Variants in LPIN1 observed in about 807,000 individuals in gnomAD.
LPIN1 encodes the protein lipin 1, also known as phosphatidate phosphatase LPIN1.
LPIN1 carries 71 observed loss-of-function variants against 107.5 expected under a neutral mutation model. The observed-to-expected ratio is 0.66, with a 90% CI of 0.55 to 0.80. The LOEUF is 0.80. Ranked by LOEUF, LPIN1 falls within the 30% of genes least tolerant of loss-of-function variation. The pLI is 0.00. For synonymous variants in LPIN1, 445 were observed against 452.6 expected (o/e 0.98, Z 0.21); for missense variants, 1,043 against 1,160.6 (o/e 0.90, Z 1.47).
intron 1 of LPIN1, among the ~76,000 whole-genome samples, chr2:11,760,989 GGC>G (rs1669733977): frequency 6.6e-6 from 1 of 152,134 alleles, no homozygotes; most frequent in African/African-American, 2.4e-5. Flanking sequence ...GGTGAAATGG[GGC>G]GTGTCAATCC....
upstream of LPIN1, among the ~76,000 whole-genome samples, chr2:11,743,158 T>G (rs543332403): frequency 2.4e-4 from 36 of 152,234 alleles, no homozygotes; most frequent in Non-Finnish European, 4.9e-4. The surrounding 1 kb of genome is among the most constrained non-coding windows in gnomAD (Gnocchi z 4.7). Context: ...CTCCCCTTTG[T>G]AGCCCCCAGT....
chr2:11,795,358 A>G (rs1676478702), intron 13 of LPIN1, 50 bp from the exon 14 acceptor site: 2 of 1,486,530 alleles, frequency 1.3e-6, no homozygotes, highest in Non-Finnish European at 1.9e-6. Flanking sequence ...GCTGTCTGCA[A>G]GCCCCTTCTC....
chr2:11,782,422 C>T lies in LPIN1; in HGVS notation c.1179C>T (p.Leu393=), dbSNP rs772683635. 3 of 1,614,226 alleles carry T rather than the reference C, an allele frequency of 1.9e-6. No homozygotes were observed. The highest frequency in any genetic ancestry group is 2.5e-6 in the Non-Finnish European group (3 of 1,180,040). ...DLETLGAAAP[L]LPMIEELKPP... ...AGACCTTAGGAGCAGCAGCGCCACTCTTGCCCATGATCGAGGAGCTCAAAC... is the reference window on the plus strand; with the variant it reads ...AGACCTTAGGAGCAGCAGCGCCACTTTTGCCCATGATCGAGGAGCTCAAAC... Residue 393 remains leucine (L), a synonymous_variant, in exon 8 of 21, where the codon CTC becomes CTT. Transcript: ENST00000674199.
intron 3 of LPIN1, among the ~76,000 whole-genome samples, chr2:11,768,959 A>G (rs928434288): frequency 6.6e-6 from 1 of 152,100 alleles, no homozygotes; most frequent in Admixed American, 6.5e-5. Context: ...AAAGAAACCA[A>G]AAAAACCCAA....
chr2:11,700,428 T>C (rs1173644725), intron 1 of LPIN1, among the ~76,000 whole-genome samples: 1 of 152,194 alleles, frequency 6.6e-6, no homozygotes, highest in East Asian at 1.9e-4. Flanking sequence ...TCCTGACCTC[T>C]GGTCCATTGC....
Position 11,804,512 on chromosome 2 carries a change from C to T in LPIN1, c.2103C>T (p.Ile701=), listed in dbSNP as rs768418673. The T allele has an allele frequency of 1.9e-6, 3 of 1,614,198 alleles. No homozygotes were observed. The South Asian group carries it at 3.3e-5, about 18-fold the overall frequency. ...GCACGTGCCGCTGTGAGGGCACCAT[C>T]TATCTGTGGAACTGGGATGATAAAG... ...YQGTCRCEGT[I]YLWNWDDKVI... is the part of the protein sequence containing the mutation. Residue 701 remains isoleucine, a synonymous_variant, in exon 16 of 21, where the codon ATC becomes ATT. Transcript: ENST00000674199.
Position 11,765,712 on chromosome 2 carries a change from C to A in LPIN1, c.171C>A (p.Val57=). 1 of 1,611,406 alleles carries A rather than the reference C, an allele frequency of 6.2e-7. No homozygotes were observed. Among genetic ancestry groups the A allele is most frequent in the Non-Finnish European group, 8.5e-7 (1 of 1,177,814 alleles). Residue 57 remains valine, a synonymous_variant, in exon 2 of 21, where the codon GTC becomes GTA. Coordinates refer to ENST00000674199, the MANE Select transcript of LPIN1 (RefSeq NM_001349206.2). This position sits in a 1 kb window ranked among gnomAD's most constrained non-coding sequence, Gnocchi z 4.4. ...PFHVRFGKMG[V]LRSREKVVDI... is the part of the protein sequence containing the mutation. ...ACGTCCGCTTTGGGAAGATGGGGGT[C>A]CTGCGCTCCCGAGAGAAAGTGGTGA... is the stretch of plus-strand genomic sequence containing the variant.
Position 11,776,200 on chromosome 2 carries a change from G to A in LPIN1, c.830+7G>A, listed in dbSNP as rs147648849. On this transcript the variant is annotated splice_region_variant and intron_variant, in intron 6 of 20. Coordinates refer to ENST00000674199, the MANE Select transcript of LPIN1 (RefSeq NM_001349206.2). ...TGTTCCATCCTTCGGAAAGGTAGAGGAGTTATTTTCCCCATTGGGATATAT... is the reference window on the plus strand; with the variant it reads ...TGTTCCATCCTTCGGAAAGGTAGAGAAGTTATTTTCCCCATTGGGATATAT... The A allele has an allele frequency of 2.4e-4, 362 of 1,512,128 alleles. 3 individuals carry two copies. The East Asian group carries it at 8.2e-3, about 34-fold the overall frequency. The allele number at this position is 1,512,128 out of a possible 1,614,324, so 93.7% of individuals were successfully genotyped here. A position where few individuals can be genotyped will look rare whatever the true frequency, so the allele number is the denominator to read the frequency against.
intron 10 of LPIN1, among the ~76,000 whole-genome samples, chr2:11,785,814 C>T (rs1242494964): frequency 1.3e-5 from 2 of 152,204 alleles, no homozygotes; most frequent in African/African-American, 4.8e-5. Flanking sequence ...CTGGTCCCTT[C>T]AAGGCTTTGG....
intron 1 of LPIN1, among the ~76,000 whole-genome samples, chr2:11,752,580 C>G (rs891557173): frequency 6.7e-6 from 1 of 149,738 alleles, no homozygotes; most frequent in Non-Finnish European, 1.5e-5. Context: ...TACAGGCGCC[C>G]GCCACTACGC....
chr2:11,807,312 A>G (rs1678875997), intron 17 of LPIN1, among the ~76,000 whole-genome samples: 2 of 152,192 alleles, frequency 1.3e-5, no homozygotes, highest in Non-Finnish European at 1.5e-5. Context: ...CCACGGGCTG[A>G]CCTTTCATTT....
At chr2:11,799,444 T>C (rs1338375623) in intron 14 of LPIN1, among the ~76,000 whole-genome samples, 1 of 151,416 alleles carries the variant, frequency 6.6e-6, no homozygotes, top group African/African-American at 2.4e-5. Context: ...TCGTTCTTCT[T>C]CTGCTTGACA....
chr2:11,824,887 T>A lies in LPIN1; in HGVS notation c.*96T>A. Reference sequence around the variant, plus strand: ...GAGTGCACAGCTCCACCTGGGAGCCTGGCGCGTCATCATTGGCCTGACAGC... The same window carrying A: ...GAGTGCACAGCTCCACCTGGGAGCCAGGCGCGTCATCATTGGCCTGACAGC... On this transcript the variant is annotated 3_prime_UTR_variant, in exon 21 of 21. Transcript: ENST00000674199. 1 of 1,387,288 alleles carries A rather than the reference T, an allele frequency of 7.2e-7. No homozygotes were observed. The highest frequency in any genetic ancestry group is 1.2e-5 in the South Asian group (1 of 85,034). The allele number at this position is 1,387,288 out of a possible 1,614,324, so 85.9% of individuals were successfully genotyped here. A position where few individuals can be genotyped will look rare whatever the true frequency, so the allele number is the denominator to read the frequency against.
chr2:11,682,666 T>TTGTGGTCA (rs1395681742), intron 1 of LPIN1: 1 of 152,160 alleles, frequency 6.6e-6, no homozygotes, highest in Non-Finnish European at 1.5e-5. Flanking sequence ...ACAGAGATGG[T>TTGTGGTCA]TGTGGTCATG....
At chr2:11,734,765 C>T (rs1159423415) in intron 1 of LPIN1, among the ~76,000 whole-genome samples, 1 of 152,162 alleles carries the variant, frequency 6.6e-6, no homozygotes, top group African/African-American at 2.4e-5. Context: ...AAAAGATTTA[C>T]AACATCTCAA....
Position 11,822,861 on chromosome 2 carries a change from T to C in LPIN1, c.2622-1771T>C, listed in dbSNP as rs75505256. Among the ~76,000 whole-genome samples the C allele has an allele frequency of 7.8e-3, 1,189 of 152,320 alleles. 20 individuals carry two copies. Among genetic ancestry groups the C allele is most frequent in the African/African-American group, 0.026 (1,067 of 41,576 alleles). ...CTAGGTGGCCTCTGCGGTCATTGCA[T>C]TGACTGAGGCTCTAGGGTTAAAATG... On this transcript the variant is annotated intron_variant, in intron 20 of 20. Coordinates refer to ENST00000674199, the MANE Select transcript of LPIN1 (RefSeq NM_001349206.2).
chr2:11,686,930 G>A (rs903070880), intron 1 of LPIN1, among the ~76,000 whole-genome samples: 2 of 150,608 alleles, frequency 1.3e-5, no homozygotes, highest in Admixed American at 1.3e-4. Flanking sequence ...CTAGATTTCA[G>A]GAATCATTCT....
chr2:11,701,248 A>G, intron 1 of LPIN1, among the ~76,000 whole-genome samples: 1 of 152,094 alleles, frequency 6.6e-6, no homozygotes, highest in Non-Finnish European at 1.5e-5. Context: ...TGCAGCACGC[A>G]TCATGTTGGA....
At position 11,707,062 on chromosome 2, in the gene LPIN1, A is replaced by G. The variant is rs1248512373; in HGVS notation, c.82-6694A>G. 1.3e-5 allele frequency among the ~76,000 whole-genome samples: 2 copies of G among 152,234 alleles called. No homozygotes were observed. Among genetic ancestry groups the G allele is most frequent in the African/African-American group, 4.8e-5 (2 of 41,470 alleles). On this transcript the variant is annotated intron_variant, in intron 1 of 21. Transcript: ENST00000449576. This position sits in a 1 kb window ranked among gnomAD's most constrained non-coding sequence, Gnocchi z 4.2. ...CGTTACCTTTGTAGCAATTAGCCAT[A>G]CAGCACCTCTTAGAGCCTGTTACAC...
Sources: gnomAD v4.1 joint callset for allele counts (sites outside exome capture counted in the v4.1 genomes callset) on GRCh38, gnomAD v4.1.1 for gene constraint, Gnocchi (gnomAD v3.1) non-coding constraint, MANE v1.5 for transcripts, NCBI Gene and HGNC (gene_info 2026-07-23, HGNC 2026-07-21) for gene names.